Variants in RIMBP2 observed in about 807,000 individuals in gnomAD.
The protein encoded by RIMBP2 is RIMS-binding protein 2.
RIMBP2 carries 48 observed loss-of-function variants against 118.6 expected under a neutral mutation model. The ratio of observed to expected loss-of-function variants is 0.40; its 90% confidence interval spans 0.32 to 0.51. The LOEUF (loss-of-function observed/expected upper bound fraction) is 0.51. Ranked by LOEUF, RIMBP2 falls within the 20% of genes least tolerant of loss-of-function variation. The pLI, the probability that RIMBP2 is intolerant of heterozygous loss-of-function variation, is 0.41. For missense variants in RIMBP2, 1,551 were observed against 1,768.3 expected, an observed-to-expected ratio of 0.88 and a Z score of 2.20; for synonymous variants, 762 against 742.9, an observed-to-expected ratio of 1.03 and a Z score of -0.42.
rs538165943 is a variant in RIMBP2, at chr12:130,537,279, G to C, written c.-216-19362C>G. Among the ~76,000 whole-genome samples the C allele has an allele frequency of 1.5e-4, 23 of 152,334 alleles. No homozygotes were observed. In the South Asian group the frequency reaches 4.6e-3, roughly 30 times the overall value. On this transcript the variant is annotated intron_variant, in intron 2 of 22. Coordinates refer to ENST00000690449, the MANE Select transcript of RIMBP2 (RefSeq NM_001393629.1). The stretch of plus-strand genomic sequence containing the variant: ...CACGAGGCCATAGTTTTGCTTATTG[G>C]CTTTACGCCAAAAGTTTTGCCTTCT...
intron 1 of RIMBP2, among the ~76,000 whole-genome samples, chr12:130,693,598 T>A (rs916477985): frequency 6.6e-6 from 1 of 152,084 alleles, no homozygotes; most frequent in African/African-American, 2.4e-5. Flanking sequence ...GCTTTGAAGA[T>A]CACCAGGGCC....
intron 1 of RIMBP2, among the ~76,000 whole-genome samples, chr12:130,664,443 A>ACACACACACGCACG (rs1555320922): frequency 1.1e-4 from 7 of 64,612 alleles, no homozygotes; most frequent in African/African-American, 2.3e-4. Flanking sequence ...ATGCACGCAC[A>ACACACACACGCACG]CACGCACACA....
chr12:130,528,945 C>T (rs889849534), intron 2 of RIMBP2, among the ~76,000 whole-genome samples: 1 of 152,232 alleles, frequency 6.6e-6, no homozygotes, highest in Non-Finnish European at 1.5e-5. Context: ...CAGCAATTCA[C>T]TCCCAGGCTT....
chr12:130,612,611 G>A (rs548139885), intron 2 of RIMBP2, among the ~76,000 whole-genome samples: 2 of 152,220 alleles, frequency 1.3e-5, no homozygotes, highest in Non-Finnish European at 2.9e-5. Flanking sequence ...CATTTGACAG[G>A]ATGGTGAAGA....
chr12:130,680,307 G>A (rs1412798662), intron 1 of RIMBP2, among the ~76,000 whole-genome samples: 2 of 152,228 alleles, frequency 1.3e-5, no homozygotes, highest in African/African-American at 4.8e-5. Flanking sequence ...GGATGACTTG[G>A]CTTGTAAGAG....
chr12:130,603,209 C>T (rs1466521739), intron 2 of RIMBP2, among the ~76,000 whole-genome samples: 1 of 152,150 alleles, frequency 6.6e-6, no homozygotes, highest in African/African-American at 2.4e-5. Flanking sequence ...CACATTTTAC[C>T]AATCTGACTA....
rs905200823 is a variant in RIMBP2, at chr12:130,397,323, A to C, written c.*38T>G. On this transcript the variant is annotated 3_prime_UTR_variant, in exon 23 of 23. Coordinates refer to ENST00000690449, the MANE Select transcript of RIMBP2 (RefSeq NM_001393629.1). ...AAAGCCCTAGTTTGGAATTAAAGAA[A>C]ATTACATAGATTTGGCAGTTGTCCG... is the stretch of plus-strand genomic sequence containing the variant. The C allele has an allele frequency of 4.5e-5, 18 of 398,726 alleles. No individual in the cohort carries two copies. Among genetic ancestry groups the C allele is most frequent in the Non-Finnish European group, 8.0e-5 (18 of 226,038 alleles). 24.7% of individuals were successfully genotyped at this position (398,726 alleles called of 1,614,324 possible).
At chr12:130,679,876 C>T (rs1004440047) in intron 1 of RIMBP2, among the ~76,000 whole-genome samples, 3 of 152,314 alleles carry the variant, frequency 2.0e-5, no homozygotes, top group East Asian at 1.9e-4. Flanking sequence ...TGTGTTCGCC[C>T]GCCACGGGAA....
At chr12:130,637,430 G>A (rs544112290) in intron 1 of RIMBP2, among the ~76,000 whole-genome samples, 3 of 152,328 alleles carry the variant, frequency 2.0e-5, no homozygotes, top group African/African-American at 4.8e-5. Flanking sequence ...ACAGCACATC[G>A]GACTGGAGGA....
At chr12:130,441,509 T>G (rs919125247) in intron 11 of RIMBP2, among the ~76,000 whole-genome samples, 1 of 151,738 alleles carries the variant, frequency 6.6e-6, no homozygotes, top group African/African-American at 2.4e-5. Flanking sequence ...CCAGGCAGTA[T>G]CCAACTCAGT....
At chr12:130,660,835 C>T (rs201876051) in intron 1 of RIMBP2, among the ~76,000 whole-genome samples, 3 of 104,362 alleles carry the variant, frequency 2.9e-5, no homozygotes, top group Non-Finnish European at 7.3e-5. Context: ...TCACAGCTGG[C>T]GTGTCACGCA....
Position 130,521,594 on chromosome 12 carries a change from G to A in RIMBP2, c.-216-3677C>T, listed in dbSNP as rs149558490. Among the ~76,000 whole-genome samples the A allele has an allele frequency of 1.1e-4, 17 of 152,310 alleles. 1 individual carries two copies. The highest frequency in any genetic ancestry group is 7.2e-5 in the African/African-American group (3 of 41,574). ...GGTTCCCCCATAGTGGGGCTTTGAC[G>A]CTGTTGAGTACTGACCACATCTGAG... On this transcript the variant is annotated intron_variant, in intron 2 of 22. Coordinates refer to ENST00000690449, the MANE Select transcript of RIMBP2 (RefSeq NM_001393629.1).
At chr12:130,644,085 C>T (rs1465081666) in intron 1 of RIMBP2, among the ~76,000 whole-genome samples, 6 of 152,236 alleles carry the variant, frequency 3.9e-5, no homozygotes, top group African/African-American at 1.2e-4. Context: ...TGCTCACCAA[C>T]AGTCCTGATG....
intron 7 of RIMBP2, among the ~76,000 whole-genome samples, chr12:130,452,717 G>T (rs764691634): frequency 6.6e-6 from 1 of 152,204 alleles, no homozygotes; most frequent in South Asian, 2.1e-4. Context: ...TTCCAGAGAG[G>T]AAACACTGTC....
chr12:130,640,607 G>T (rs114797379), intron 1 of RIMBP2, among the ~76,000 whole-genome samples: 1 of 152,222 alleles, frequency 6.6e-6, no homozygotes, highest in Admixed American at 6.5e-5. Context: ...GAAAGAGCCC[G>T]TGAGGTAGGC....
intron 1 of RIMBP2, among the ~76,000 whole-genome samples, chr12:130,695,739 C>A (rs2065534350): frequency 6.6e-6 from 1 of 152,046 alleles, no homozygotes; most frequent in South Asian, 2.1e-4. Context: ...GGGGACGAGG[C>A]AGAGGCTAGG....
intron 4 of RIMBP2, among the ~76,000 whole-genome samples, chr12:130,498,136 C>T (rs960726413): frequency 3.3e-5 from 5 of 151,434 alleles, no homozygotes; most frequent in East Asian, 2.0e-4. Flanking sequence ...TCCAGGCCTC[C>T]GGCTGCCCCG....
Position 130,419,019 on chromosome 12 carries a change from T to C in RIMBP2, c.3238+3434A>G, listed in dbSNP as rs1405995365. Among the ~76,000 whole-genome samples the C allele has an allele frequency of 6.6e-6, 1 of 152,150 alleles. No homozygotes were observed. Among genetic ancestry groups the C allele is most frequent in the Non-Finnish European group, 1.5e-5 (1 of 68,026 alleles). ...GGTGGAGCACTTGGAGTTGAACGTA[T>C]GTGAATAAAATCAGCGTATGCGGTG... On this transcript the variant is annotated intron_variant, in intron 17 of 22. Coordinates refer to ENST00000690449, the MANE Select transcript of RIMBP2 (RefSeq NM_001393629.1). The surrounding 1 kb of genome is among the most constrained non-coding windows in gnomAD (Gnocchi z 4.3).
At chr12:130,616,783 C>T (rs893093420) in intron 2 of RIMBP2, among the ~76,000 whole-genome samples, 1 of 152,194 alleles carries the variant, frequency 6.6e-6, no homozygotes, top group Non-Finnish European at 1.5e-5. Flanking sequence ...CCTTCTACAT[C>T]GCCATGTGGC....
Sources: gnomAD v4.1 joint callset for allele counts (sites outside exome capture counted in the v4.1 genomes callset) on GRCh38, gnomAD v4.1.1 for gene constraint, Gnocchi (gnomAD v3.1) non-coding constraint, MANE v1.5 for transcripts, NCBI Gene and HGNC (gene_info 2026-07-23, HGNC 2026-07-21) for gene names.